IQANK1: variants seen among roughly 807,000 people sequenced by gnomAD.
IQANK1 encodes the protein IQ motif and ankyrin repeat containing 1.
A neutral mutation model predicts 22.6 loss-of-function variants in IQANK1; 30 were observed. The observed-to-expected ratio is 1.33, with a 90% CI of 0.99 to 1.80. The LOEUF (loss-of-function observed/expected upper bound fraction) is 1.80, where lower values mean the gene tolerates loss of function less well. Ranked by LOEUF, IQANK1 falls within the 40% of genes most tolerant of loss-of-function variation. The pLI is 0.00. For missense variants in IQANK1, 275 were observed against 235.2 expected (o/e 1.17, Z -1.11); for synonymous variants, 122 against 99.6 (o/e 1.23, Z -1.34).
At chr8:143,748,742 AAATATATATCATATAAATATATATAAT>A (rs1819096822) in intron 3 of IQANK1, among the ~76,000 whole-genome samples, 1 of 110,098 alleles carries the variant, frequency 9.1e-6, no homozygotes, top group African/African-American at 4.0e-5. Context: ...ATAAATATAT[AAATATATATCATATAAATATATATAAT>A]ATATAAATAT....
intron 3 of IQANK1, among the ~76,000 whole-genome samples, chr8:143,741,445 T>G (rs1321322329): frequency 2.0e-5 from 3 of 152,008 alleles, no homozygotes; most frequent in African/African-American, 7.3e-5. Flanking sequence ...CCTGCCATGG[T>G]GCCTCTTTTT....
intron 7 of IQANK1, among the ~76,000 whole-genome samples, chr8:143,786,015 G>A (rs1247703224): frequency 3.3e-5 from 5 of 151,968 alleles, no homozygotes; most frequent in Admixed American, 1.3e-4. Context: ...GTCAGCCACC[G>A]TGCCTGGCCT....
chr8:143,781,930 T>C (rs1010356015), intron 7 of IQANK1, among the ~76,000 whole-genome samples: 2 of 152,354 alleles, frequency 1.3e-5, no homozygotes, highest in Admixed American at 1.3e-4. Flanking sequence ...TTAATGGTAT[T>C]GATTCTTCCT....
intron 7 of IQANK1, among the ~76,000 whole-genome samples, chr8:143,783,296 G>A (rs1419457535): frequency 2.0e-5 from 3 of 152,250 alleles, no homozygotes; most frequent in South Asian, 2.1e-4. Flanking sequence ...TGGATGTGCC[G>A]TGGTGCCTCA....
rs1819564113 is a variant in IQANK1 at position 143,771,234 on chromosome 8, G to T, written c.176-254G>T. On this transcript the variant is annotated intron_variant, in intron 3 of 13. Transcript: ENST00000527139. The surrounding 1 kb of genome is among the most constrained non-coding windows in gnomAD (Gnocchi z 6.0). ...CCGAGCTGCGGGCTCGGCGGGGCTC[G>T]CAGGATCCCCGGCGGCGTGGGGCGG... 6.6e-6 allele frequency among the ~76,000 whole-genome samples: 1 copy of T among 152,122 alleles called. No homozygotes were observed. Among genetic ancestry groups the T allele is most frequent in the Non-Finnish European group, 1.5e-5 (1 of 67,994 alleles).
At chr8:143,757,968 A>T (rs1819323889) in intron 3 of IQANK1, among the ~76,000 whole-genome samples, 1 of 152,178 alleles carries the variant, frequency 6.6e-6, no homozygotes, top group South Asian at 2.1e-4. Flanking sequence ...CATTTAGTCC[A>T]ATCAGGATAA....
At chr8:143,775,206 C>A (rs1212078013) in intron 7 of IQANK1, among the ~76,000 whole-genome samples, 2 of 151,630 alleles carry the variant, frequency 1.3e-5, no homozygotes, top group African/African-American at 4.9e-5. Context: ...TATGTTGTAC[C>A]GTAATTATGT....
intron 7 of IQANK1, among the ~76,000 whole-genome samples, chr8:143,779,370 A>G (rs1819752363): frequency 6.6e-6 from 1 of 152,246 alleles, no homozygotes; most frequent in African/African-American, 2.4e-5. Context: ...TGACCACGAT[A>G]GGCACTGAAA....
At chr8:143,745,730 A>G (rs1819015110) in intron 3 of IQANK1, 1 of 149,158 alleles carries the variant, frequency 6.7e-6, no homozygotes, top group Non-Finnish European at 1.5e-5. Flanking sequence ...TCATTCATAC[A>G]TTTCTTATTG....
At position 143,743,425 on chromosome 8, in the gene IQANK1, G is replaced by GTTT. The variant is rs1415838822; in HGVS notation, c.175+3480_175+3482dup. ...AGCCTCTTTCAGTATAACTGTATGG[G>GTTT]TTTTTCTCCATCTTTTTTTCGTCTT... On this transcript the variant is annotated intron_variant, in intron 3 of 13. Transcript: ENST00000527139. Among the ~76,000 whole-genome samples the GTTT allele has an allele frequency of 2.6e-5, 4 of 152,142 alleles. No homozygotes were observed. In the East Asian group the frequency reaches 7.7e-4, roughly 29 times the overall value.
chr8:143,782,831 T>C (rs539387054), intron 7 of IQANK1, among the ~76,000 whole-genome samples: 50 of 152,362 alleles, frequency 3.3e-4, no homozygotes, highest in African/African-American at 1.2e-3. Context: ...ATTCACTTTG[T>C]CATCCACTTA....
intron 3 of IQANK1, among the ~76,000 whole-genome samples, chr8:143,748,677 T>C (rs1489313573): frequency 1.1e-5 from 1 of 94,896 alleles, no homozygotes; most frequent in Non-Finnish European, 1.6e-5. Flanking sequence ...AATATATAAA[T>C]ATATATCATA....
rs141931970 is a variant in IQANK1, at chr8:143,753,124, C to T, written c.175+13176C>T. Among the ~76,000 whole-genome samples the T allele has an allele frequency of 4.3e-3, 654 of 151,522 alleles. 4 individuals carry two copies. Among genetic ancestry groups the T allele is most frequent in the African/African-American group, 0.015 (622 of 41,226 alleles). ...GCTTAAGCAATCCTCCCTCCTCAGC[C>T]TCCTGAGTAGCTGGGACTATAGGTG... On this transcript the variant is annotated intron_variant, in intron 3 of 13. Coordinates refer to ENST00000527139, the MANE Select transcript of IQANK1 (RefSeq NM_001381874.1).
intron 5 of IQANK1, 41 bp downstream of exon 5, chr8:143,772,006 T>A (rs868922130): frequency 9.7e-5 from 3 of 31,024 alleles, no homozygotes; most frequent in South Asian, 2.7e-3. Context: ...GGGGGTGGGG[T>A]GGGAGTGGGA....
intron 7 of IQANK1, among the ~76,000 whole-genome samples, chr8:143,782,566 C>T (rs1252507817): frequency 4.6e-5 from 7 of 152,048 alleles, no homozygotes; most frequent in East Asian, 1.9e-4. Context: ...CTGCAACCTC[C>T]GCCTCCCAGG....
chr8:143,786,026 A>C (rs561283066), intron 7 of IQANK1, among the ~76,000 whole-genome samples: 30 of 151,636 alleles, frequency 2.0e-4, no homozygotes, highest in Non-Finnish European at 3.4e-4. Context: ...TGCCTGGCCT[A>C]ATTTTTTTTA....
intron 7 of IQANK1, among the ~76,000 whole-genome samples, chr8:143,776,873 G>C (rs909800461): frequency 6.6e-6 from 1 of 152,074 alleles, no homozygotes; most frequent in Non-Finnish European, 1.5e-5. Flanking sequence ...CGTCAGCCAG[G>C]GTGAAAAATC....
At chr8:143,749,236 A>G (rs1415830133) in intron 3 of IQANK1, among the ~76,000 whole-genome samples, 2 of 124,384 alleles carry the variant, frequency 1.6e-5, no homozygotes, top group Admixed American at 9.0e-5. Flanking sequence ...ATATATACCT[A>G]TATATCATAT....
chr8:143,790,534 G>A lies in IQANK1; in HGVS notation c.1609G>A (p.Val537Ile). Reference protein sequence around the residue: ...EHFRLFFVTKVQWPPAEQLQV... With the variant: ...EHFRLFFVTKIQWPPAEQLQV... ...CTTCCGCCTCTTTTTCGTCACCAAG[G>A]TCCAGTGGCCGCCAGCTGAGCAGCT... Residue 537 changes from valine (V) to isoleucine (I), a missense_variant, in exon 14 of 14, where the codon GTC becomes ATC. Val to Ile is a conservative substitution (Grantham distance 29). Coordinates refer to ENST00000527139, the MANE Select transcript of IQANK1 (RefSeq NM_001381874.1). 1 of 400,588 alleles carries A rather than the reference G, an allele frequency of 2.5e-6. No individual in the cohort carries two copies. Among genetic ancestry groups the A allele is most frequent in the Non-Finnish European group, 4.4e-6 (1 of 227,618 alleles). The allele number at this position is 400,588 out of a possible 1,614,324, so 24.8% of individuals were successfully genotyped here. A position where few individuals can be genotyped will look rare whatever the true frequency, so the allele number is the denominator to read the frequency against.
Sources: gnomAD v4.1 joint callset for allele counts (sites outside exome capture counted in the v4.1 genomes callset) on GRCh38, gnomAD v4.1.1 for gene constraint, Gnocchi (gnomAD v3.1) non-coding constraint, MANE v1.5 for transcripts, NCBI Gene and HGNC (gene_info 2026-07-23, HGNC 2026-07-21) for gene names.